The following FOXN2 variants were observed in gnomAD, a reference collection of about 807,000 sequenced individuals.
FOXN2 encodes the protein forkhead box protein N2.
FOXN2 carries 19 observed loss-of-function variants against 41.2 expected under a neutral mutation model. That is an observed-to-expected ratio of 0.46 (90% CI 0.32 to 0.68). FOXN2 has a LOEUF of 0.68. FOXN2 is among the 30% of genes least tolerant of loss of function. FOXN2 has a pLI of 0.03. For missense variants in FOXN2, 587 were observed against 509.4 expected (o/e 1.15, Z -1.47); for synonymous variants, 195 against 176.8 (o/e 1.10, Z -0.82).
intron 1 of FOXN2, among the ~76,000 whole-genome samples, chr2:48,320,045 T>C (rs555598366): frequency 2.0e-5 from 3 of 152,180 alleles, no homozygotes; most frequent in African/African-American, 7.2e-5. Context: ...CTTTGTAGTT[T>C]GTTTCTTTTT....
intron 1 of FOXN2, among the ~76,000 whole-genome samples, chr2:48,317,507 C>G (rs377692057): frequency 7.0e-4 from 98 of 140,934 alleles, no homozygotes; most frequent in African/African-American, 2.5e-3. Context: ...CTTTGGGAAA[C>G]TAACATTTAA....
intron 2 of FOXN2, among the ~76,000 whole-genome samples, chr2:48,345,504 CAA>C (rs1671040821): frequency 2.0e-5 from 3 of 152,038 alleles, no homozygotes; most frequent in Admixed American, 6.6e-5. Context: ...GTTCTCACCA[CAA>C]AGAGAGATAG....
intron 2 of FOXN2, among the ~76,000 whole-genome samples, chr2:48,330,538 A>T (rs1168543080): frequency 6.6e-6 from 1 of 152,134 alleles, no homozygotes; most frequent in African/African-American, 2.4e-5. Context: ...TCTTAGCCTC[A>T]GTCAATTTGT....
chr2:48,343,567 T>A (rs1670905533), intron 2 of FOXN2, among the ~76,000 whole-genome samples: 1 of 152,146 alleles, frequency 6.6e-6, no homozygotes, highest in African/African-American at 2.4e-5. Context: ...GAGACCAGCC[T>A]GGGCAACCAT....
intron 1 of FOXN2, among the ~76,000 whole-genome samples, chr2:48,323,769 C>T (rs1669491894): frequency 1.3e-5 from 2 of 151,948 alleles, no homozygotes; most frequent in South Asian, 2.1e-4. Flanking sequence ...GTTGCAGTTG[C>T]TTTTGAGTTC....
At chr2:48,325,094 A>T (rs1669575157) in intron 1 of FOXN2, among the ~76,000 whole-genome samples, 1 of 152,202 alleles carries the variant, frequency 6.6e-6, no homozygotes, top group Non-Finnish European at 1.5e-5. Flanking sequence ...TGAATCAGTT[A>T]TTGATTTTTG....
intron 2 of FOXN2, among the ~76,000 whole-genome samples, chr2:48,336,041 AT>A (rs1456001648): frequency 3.3e-5 from 5 of 150,906 alleles, no homozygotes; most frequent in Admixed American, 6.6e-5. Context: ...AAAAAAAAAA[AT>A]AATAAAATAA....
In FOXN2 at chr2:48,359,134, G is replaced by C. The variant is rs1482783231; in HGVS notation, c.625G>C (p.Ala209Pro). Residue 209 changes from alanine (A) to proline (P), a missense_variant, in exon 4 of 7, where the codon GCA becomes CCA. Physicochemically the swap from Ala to Pro is conservative, Grantham distance 27 (BLOSUM62 -1). Transcript: ENST00000340553. ...QALKKQPFSS[A>P]SSQNGSLSPH... is the part of the protein sequence containing the mutation. ...ACTGAAGAAGCAACCTTTTTCTTCA[G>C]CATCTTCACAAAAGTAAGGATCTTC... The C allele has an allele frequency of 6.2e-7, 1 of 1,613,044 alleles. No homozygotes were observed. The highest frequency in any genetic ancestry group is 1.1e-5 in the South Asian group (1 of 91,066).
chr2:48,367,854 T>G (rs1303409912), intron 5 of FOXN2, among the ~76,000 whole-genome samples: 3 of 152,236 alleles, frequency 2.0e-5, no homozygotes, highest in African/African-American at 7.2e-5. Flanking sequence ...TTATTTTTTG[T>G]TTTTTGAAAT....
Position 48,378,269 on chromosome 2 carries a change from C to A in FOXN2, c.*2826C>A, listed in dbSNP as rs1420789720. ...AGAAAGAAAACAGATTACCTGAATTCATGGAAAAGGTGGATCACCTCCCTT... is the reference window on the plus strand; with the variant it reads ...AGAAAGAAAACAGATTACCTGAATTAATGGAAAAGGTGGATCACCTCCCTT... On this transcript the variant is annotated 3_prime_UTR_variant, in exon 7 of 7. Coordinates refer to ENST00000340553, the MANE Select transcript of FOXN2 (RefSeq NM_002158.4). The A allele has an allele frequency of 6.6e-6, 1 of 152,268 alleles. No homozygotes were observed. The highest frequency in any genetic ancestry group is 1.5e-5 in the Non-Finnish European group (1 of 67,882). 9.4% of individuals were successfully genotyped at this position (152,268 alleles called of 1,614,324 possible). A position where few individuals can be genotyped will look rare whatever the true frequency, so the allele number is the denominator to read the frequency against.
At chr2:48,364,266 C>T (rs954838012) in intron 5 of FOXN2, among the ~76,000 whole-genome samples, 1 of 152,090 alleles carries the variant, frequency 6.6e-6, no homozygotes, top group Non-Finnish European at 1.5e-5. Flanking sequence ...CTCACTCTGT[C>T]ACCCAGGCCA....
intron 2 of FOXN2, among the ~76,000 whole-genome samples, chr2:48,337,933 A>G (rs1340902767): frequency 6.6e-6 from 1 of 151,986 alleles, no homozygotes; most frequent in Admixed American, 6.5e-5. Flanking sequence ...GCAGACCCCA[A>G]AAAAAGATTA....
At chr2:48,326,010 A>T (rs1669649405) in intron 1 of FOXN2, among the ~76,000 whole-genome samples, 2 of 151,994 alleles carry the variant, frequency 1.3e-5, no homozygotes, top group Non-Finnish European at 2.9e-5. Flanking sequence ...CACCACGCCC[A>T]GCTAATATTT....
intron 3 of FOXN2, among the ~76,000 whole-genome samples, chr2:48,353,552 C>CTGTGTGTGTGTG (rs57528113): frequency 7.8e-6 from 1 of 128,852 alleles, no homozygotes; most frequent in Non-Finnish European, 1.6e-5. Context: ...TCACTTAAGA[C>CTGTGTGTGTGTG]TGTGTGTGTG....
chr2:48,367,783 C>T (rs982914565), intron 5 of FOXN2, among the ~76,000 whole-genome samples: 4 of 152,172 alleles, frequency 2.6e-5, no homozygotes, highest in Non-Finnish European at 5.9e-5. Flanking sequence ...CATTTCCCAA[C>T]ATCAAGGTTA....
chr2:48,328,821 T>A (rs1379266802), intron 2 of FOXN2, 119 bp downstream of exon 2: 3 of 152,198 alleles, frequency 2.0e-5, no homozygotes, highest in African/African-American at 7.2e-5. Context: ...TCCTTAAGTT[T>A]AAGTAGATGG....
intron 4 of FOXN2, 132 bp downstream of exon 4, chr2:48,359,279 T>G: frequency 3.0e-6 from 2 of 659,106 alleles, no homozygotes; most frequent in South Asian, 4.3e-5. Flanking sequence ...TATTTAGTTT[T>G]TAGTTTTTAG....
At chr2:48,368,296 A>C (rs6545038) in intron 5 of FOXN2, among the ~76,000 whole-genome samples, 151,847 of 152,336 alleles carry the variant, frequency 1, 75,681 homozygotes, top group Middle Eastern at 1. Flanking sequence ...TTTAAAATAG[A>C]ATAAAGTACT....
intron 3 of FOXN2, among the ~76,000 whole-genome samples, chr2:48,347,217 G>A (rs2104380046): frequency 7.6e-6 from 1 of 132,044 alleles, no homozygotes; most frequent in East Asian, 2.1e-4. Context: ...TGGTGTTTTG[G>A]TGCTTTTTTT....
Sources: gnomAD v4.1 joint callset for allele counts (sites outside exome capture counted in the v4.1 genomes callset) on GRCh38, gnomAD v4.1.1 for gene constraint, MANE v1.5 for transcripts, NCBI Gene and HGNC (gene_info 2026-07-23, HGNC 2026-07-21) for gene names.